Variants in PRELID2 observed in about 807,000 individuals in gnomAD.
PRELID2 encodes the protein PRELI domain-containing protein 2.
PRELID2 carries 25 observed loss-of-function variants against 28.4 expected under a neutral mutation model. The observed-to-expected ratio is 0.88, with a 90% CI of 0.64 to 1.23. PRELID2 has a LOEUF of 1.23. Ranked by LOEUF, PRELID2 falls within the 50% of genes most tolerant of loss-of-function variation. The probability of loss-of-function intolerance (pLI) is 0.00; values close to 1 mark genes in which losing one functional copy is unlikely to be tolerated. For missense variants in PRELID2, 201 were observed against 214.4 expected (o/e 0.94, Z 0.39); for synonymous variants, 76 against 71.6 (o/e 1.06, Z -0.31).
At chr5:145,637,709 T>C (rs1317143795) in intron 1 of PRELID2, among the ~76,000 whole-genome samples, 1 of 152,092 alleles carries the variant, frequency 6.6e-6, no homozygotes, top group African/African-American at 2.4e-5. Context: ...ACAGAGGTCA[T>C]CATTCCTAAC....
chr5:145,369,719 C>A, the PRELID2 span, among the ~76,000 whole-genome samples: 1 of 152,114 alleles, frequency 6.6e-6, no homozygotes, highest in South Asian at 2.1e-4. Flanking sequence ...AATGGTTGAA[C>A]TAATTTACAT....
chr5:145,628,513 G>GGGGTTTTGCCATGTTGGCCAGCC lies in PRELID2; in HGVS notation n.70+136395_70+136417dup, dbSNP rs1753884093. Among the ~76,000 whole-genome samples, 14 of 152,132 alleles carry GGGGTTTTGCCATGTTGGCCAGCC rather than the reference G, an allele frequency of 9.2e-5. No homozygotes were observed. The South Asian group carries it at 2.9e-3, about 32-fold the overall frequency. On this transcript the variant is annotated intron_variant and non_coding_transcript_variant, in intron 1 of 2. Transcript: ENST00000510259. ...GAATTTTTGTATTTTTAGTAGAGAT[G>GGGGTTTTGCCATGTTGGCCAGCC]GGGTTTTGCCATGTTGGCCAGCCTG...
the PRELID2 span, among the ~76,000 whole-genome samples, chr5:145,424,610 G>C: frequency 1.3e-5 from 2 of 152,048 alleles, no homozygotes; most frequent in African/African-American, 4.8e-5. Flanking sequence ...CACGGTGCGC[G>C]CACCCACTGA....
At chr5:145,635,212 AC>A (rs1245300014) in intron 1 of PRELID2, among the ~76,000 whole-genome samples, 1 of 152,198 alleles carries the variant, frequency 6.6e-6, no homozygotes, top group African/African-American at 2.4e-5. Flanking sequence ...TGTCTCTTCA[AC>A]TGAAACATAA....
intron 1 of PRELID2, among the ~76,000 whole-genome samples, chr5:145,555,209 T>C (rs1352964530): frequency 1.3e-5 from 2 of 152,206 alleles, no homozygotes; most frequent in African/African-American, 4.8e-5. Context: ...GAACCACTTG[T>C]ATCAAATTTA....
At chr5:145,566,869 G>A (rs1483455066) in intron 1 of PRELID2, among the ~76,000 whole-genome samples, 2 of 149,994 alleles carry the variant, frequency 1.3e-5, no homozygotes, top group African/African-American at 4.9e-5. Context: ...GAGAGAGCAA[G>A]AGAAAGAGAA....
At chr5:145,654,385 C>G (rs1278764725) in intron 1 of PRELID2, among the ~76,000 whole-genome samples, 1 of 152,168 alleles carries the variant, frequency 6.6e-6, no homozygotes, top group Non-Finnish European at 1.5e-5. Flanking sequence ...GGAATCCTCC[C>G]TAACTCATTT....
chr5:145,359,339 T>C, the PRELID2 span, among the ~76,000 whole-genome samples: 1 of 152,156 alleles, frequency 6.6e-6, no homozygotes, highest in Non-Finnish European at 1.5e-5. Context: ...AGCTGCCCAA[T>C]AAGACTGAAC....
chr5:145,557,524 A>C (rs963351136), intron 1 of PRELID2, among the ~76,000 whole-genome samples: 2 of 152,216 alleles, frequency 1.3e-5, no homozygotes, highest in African/African-American at 4.8e-5. Context: ...CAGACAATTG[A>C]GTGAGAATGA....
intron 5 of PRELID2, among the ~76,000 whole-genome samples, chr5:145,785,832 T>A (rs556876397): frequency 8.5e-5 from 13 of 152,214 alleles, no homozygotes; most frequent in Admixed American, 7.9e-4. Context: ...ACTTTAGGGA[T>A]GGCATCCACA....
At chr5:145,683,145 A>G (rs943992558) in intron 1 of PRELID2, among the ~76,000 whole-genome samples, 3 of 152,118 alleles carry the variant, frequency 2.0e-5, no homozygotes, top group Non-Finnish European at 4.4e-5. Flanking sequence ...GGTGTCAGAA[A>G]GATTTAGATT....
At chr5:145,688,023 T>A (rs1432519814) in intron 1 of PRELID2, among the ~76,000 whole-genome samples, 1 of 152,246 alleles carries the variant, frequency 6.6e-6, no homozygotes, top group Non-Finnish European at 1.5e-5. Flanking sequence ...AATCTTCTCC[T>A]CTGATCCAAT....
the PRELID2 span, among the ~76,000 whole-genome samples, chr5:145,299,636 TGTGTGTGC>T: frequency 2.1e-3 from 214 of 102,604 alleles, no homozygotes; most frequent in South Asian, 8.1e-3. Context: ...TACATATATA[TGTGTGTGC>T]GTGTGTGTGT....
intron 1 of PRELID2, among the ~76,000 whole-genome samples, chr5:145,531,709 T>C (rs1018418813): frequency 2.1e-4 from 32 of 152,168 alleles, no homozygotes; most frequent in African/African-American, 7.7e-4. Context: ...GATTCCTTGC[T>C]CTCATGCAGA....
chr5:145,495,728 T>C (rs1752304388), intron 1 of PRELID2, among the ~76,000 whole-genome samples: 1 of 152,222 alleles, frequency 6.6e-6, no homozygotes, highest in Admixed American at 6.6e-5. Flanking sequence ...ATATAAAGCA[T>C]TTAGCTTAAT....
intron 4 of PRELID2, among the ~76,000 whole-genome samples, chr5:145,809,840 G>T (rs1753810294): frequency 6.6e-6 from 1 of 152,220 alleles, no homozygotes; most frequent in South Asian, 2.1e-4. Flanking sequence ...TGAAGAAAAT[G>T]CTTTTACTAG....
At chr5:145,504,157 A>C (rs1282352912) in intron 1 of PRELID2, among the ~76,000 whole-genome samples, 2 of 152,152 alleles carry the variant, frequency 1.3e-5, no homozygotes, top group African/African-American at 4.8e-5. Flanking sequence ...ATCTCTGAGC[A>C]GCAGCACATG....
intron 1 of PRELID2, among the ~76,000 whole-genome samples, chr5:145,496,185 A>C (rs1752308160): frequency 6.6e-6 from 1 of 152,188 alleles, no homozygotes; most frequent in Non-Finnish European, 1.5e-5. Flanking sequence ...AAAGACAATT[A>C]AAAACACAAA....
chr5:145,267,645 A>G, the PRELID2 span, among the ~76,000 whole-genome samples: 1 of 152,166 alleles, frequency 6.6e-6, no homozygotes, highest in Non-Finnish European at 1.5e-5. Context: ...TCTTTGATGT[A>G]CTGATTTCAT....
Sources: gnomAD v4.1 joint callset for allele counts (sites outside exome capture counted in the v4.1 genomes callset) on GRCh38, gnomAD v4.1.1 for gene constraint, MANE v1.5 for transcripts, NCBI Gene and HGNC (gene_info 2026-07-23, HGNC 2026-07-21) for gene names.